SLC4A4: variants seen among roughly 807,000 people sequenced by gnomAD.
SLC4A4 encodes solute carrier family 4 member 4, also known as electrogenic sodium bicarbonate cotransporter 1.
Under a neutral mutation model 111.5 loss-of-function variants are expected in SLC4A4, and 27 were observed. The ratio of observed to expected loss-of-function variants is 0.24; its 90% CI spans 0.18 to 0.33. The LOEUF is 0.33. Ranked by LOEUF, SLC4A4 falls within the 10% of genes least tolerant of loss-of-function variation. SLC4A4 has a pLI of 1.00. For missense variants in SLC4A4, 909 were observed against 1,315.5 expected (o/e 0.69, Z 4.78); for synonymous variants, 443 against 463.4 (o/e 0.96, Z 0.57).
At chr4:71,239,001 A>T (rs1719998353) in intron 2 of SLC4A4, among the ~76,000 whole-genome samples, 1 of 152,188 alleles carries the variant, frequency 6.6e-6, no homozygotes, top group Non-Finnish European at 1.5e-5. Flanking sequence ...CAAGGATATG[A>T]GTCCATCTCA....
intron 3 of SLC4A4, chr4:71,300,761 C>T (rs1725187848): frequency 5.5e-6 from 2 of 366,262 alleles, no homozygotes; most frequent in Non-Finnish European, 1.1e-5. Context: ...TCTTACAGGC[C>T]ATCTGGTGGA....
intron 1 of SLC4A4, among the ~76,000 whole-genome samples, chr4:71,225,694 G>T (rs1719004216): frequency 6.6e-6 from 1 of 152,156 alleles, no homozygotes; most frequent in Non-Finnish European, 1.5e-5. Context: ...TCAGAGGTGG[G>T]TGGGTCAGGG....
Position 71,546,413 on chromosome 4 carries a change from A to G in SLC4A4, c.2506A>G (p.Met836Val), listed in dbSNP as rs1735526294. ...CATCCTCATGGTTATATGCTCCCTC[A>G]TGGCTCTTCCGTGGTATGTAGCTGC... is the stretch of plus-strand genomic sequence containing the variant. ...VAILMVICSL[M>V]ALPWYVAATV... Residue 836 changes from methionine to valine, a missense_variant, in exon 19 of 26, where the codon ATG (methionine) becomes GTG (valine). Physicochemically the swap from Met to Val is conservative, Grantham distance 21. Coordinates refer to ENST00000264485, the MANE Select transcript of SLC4A4 (RefSeq NM_001098484.3). 6.2e-7 allele frequency: 1 copy of G among 1,612,730 alleles called. No individual in the cohort carries two copies. Among genetic ancestry groups the G allele is most frequent in the African/African-American group, 1.3e-5 (1 of 74,812 alleles).
At chr4:71,411,440 GACACCTACC>G (rs1008711102) in intron 7 of SLC4A4, among the ~76,000 whole-genome samples, 2 of 151,546 alleles carry the variant, frequency 1.3e-5, no homozygotes, top group African/African-American at 4.9e-5. Context: ...TTTCTACCAT[GACACCTACC>G]ACAACTGTCA....
intron 16 of SLC4A4, among the ~76,000 whole-genome samples, chr4:71,527,753 G>T (rs1319382816): frequency 6.6e-6 from 1 of 151,898 alleles, no homozygotes; most frequent in Non-Finnish European, 1.5e-5. Flanking sequence ...TCTTCCTTCA[G>T]TATATATAAA....
At chr4:71,187,684 C>A (rs1216390542) in intron 1 of SLC4A4, among the ~76,000 whole-genome samples, 1 of 152,218 alleles carries the variant, frequency 6.6e-6, no homozygotes, top group Non-Finnish European at 1.5e-5. Flanking sequence ...CCCCTGCGCG[C>A]AACTGGGCGT....
chr4:71,352,217 C>A (rs559187794), intron 5 of SLC4A4, among the ~76,000 whole-genome samples: 3 of 152,148 alleles, frequency 2.0e-5, no homozygotes, highest in African/African-American at 7.2e-5. Context: ...TAAGAACTAA[C>A]CTGGAGCAAA....
At chr4:71,521,832 A>G (rs577359901) in intron 16 of SLC4A4, among the ~76,000 whole-genome samples, 1 of 152,174 alleles carries the variant, frequency 6.6e-6, no homozygotes, top group African/African-American at 2.4e-5. Flanking sequence ...TTTCTTTATC[A>G]AATTAAACTT....
chr4:71,275,250 T>C (rs1372204726), intron 3 of SLC4A4, among the ~76,000 whole-genome samples: 1 of 152,202 alleles, frequency 6.6e-6, no homozygotes, highest in Non-Finnish European at 1.5e-5. Flanking sequence ...AAACTATGAA[T>C]GAATCAAATG....
At chr4:71,131,943 AT>A (rs1216396129) in intron 2 of SLC4A4, among the ~76,000 whole-genome samples, 1 of 151,956 alleles carries the variant, frequency 6.6e-6, no homozygotes, top group African/African-American at 2.4e-5. Flanking sequence ...TATTATTATT[AT>A]TTTTTTCTGT....
At chr4:71,256,046 A>G (rs894016640) in intron 3 of SLC4A4, among the ~76,000 whole-genome samples, 3 of 152,124 alleles carry the variant, frequency 2.0e-5, no homozygotes, top group African/African-American at 4.8e-5. Context: ...GTGTGTTTAG[A>G]TGTATGTTTA....
intron 5 of SLC4A4, among the ~76,000 whole-genome samples, chr4:71,353,375 G>T (rs1010263866): frequency 5.3e-5 from 8 of 152,090 alleles, no homozygotes; most frequent in African/African-American, 1.9e-4. Context: ...AACAGTTCAG[G>T]GACAAATAAC....
intron 2 of SLC4A4, among the ~76,000 whole-genome samples, chr4:71,093,076 C>A (rs1012623950): frequency 5.9e-5 from 9 of 151,814 alleles, no homozygotes; most frequent in Admixed American, 3.9e-4. Flanking sequence ...GCCTGGGTAA[C>A]AGAGTGAGAC....
intron 2 of SLC4A4, among the ~76,000 whole-genome samples, chr4:71,163,267 C>T (rs1340927718): frequency 2.6e-5 from 4 of 152,094 alleles, no homozygotes; most frequent in African/African-American, 4.8e-5. Flanking sequence ...TGGGAGTGTG[C>T]ACTTCATGGT....
intron 21 of SLC4A4, among the ~76,000 whole-genome samples, 175 bp from the exon 22 acceptor site, chr4:71,557,537 A>G (rs949885432): frequency 1.3e-5 from 2 of 152,004 alleles, no homozygotes; most frequent in Non-Finnish European, 2.9e-5. Context: ...AAAGATTTGA[A>G]GACTTGTGCT....
At chr4:71,169,155 A>T (rs1242407635) in intron 2 of SLC4A4, among the ~76,000 whole-genome samples, 2 of 151,014 alleles carry the variant, frequency 1.3e-5, no homozygotes, top group African/African-American at 4.9e-5. Context: ...GATTACAGGC[A>T]TGTGCCACCA....
chr4:71,454,311 G>A (rs576639887), intron 12 of SLC4A4, among the ~76,000 whole-genome samples: 2 of 152,240 alleles, frequency 1.3e-5, no homozygotes, highest in Admixed American at 6.5e-5. Flanking sequence ...AAGTTTTGGT[G>A]ATAGAAAAGA....
chr4:71,115,080 G>A (rs1284973090), intron 2 of SLC4A4, among the ~76,000 whole-genome samples: 5 of 147,172 alleles, frequency 3.4e-5, no homozygotes, highest in African/African-American at 5.0e-5. Context: ...GTAAACTATC[G>A]CAAGAACAAA....
At chr4:71,136,982 G>C (rs906266758) in intron 2 of SLC4A4, among the ~76,000 whole-genome samples, 7 of 152,122 alleles carry the variant, frequency 4.6e-5, no homozygotes, top group African/African-American at 1.7e-4. Flanking sequence ...CCAAAGAAGA[G>C]GTACCTCTGT....
Sources: allele counts gnomAD v4.1 joint callset (sites outside exome capture counted in the v4.1 genomes callset), GRCh38; gene constraint gnomAD v4.1.1; transcripts MANE v1.5; gene names NCBI Gene and HGNC (gene_info 2026-07-23, HGNC 2026-07-21).